Variants in FMNL2 observed in about 807,000 individuals in gnomAD.
FMNL2 encodes formin-like protein 2.
Under a neutral mutation model 130.2 loss-of-function variants are expected in FMNL2, and 51 were observed. That is an observed-to-expected ratio of 0.39 (90% CI 0.31 to 0.49). The LOEUF is 0.49. Ranked by LOEUF, FMNL2 falls within the 20% of genes least tolerant of loss-of-function variation. The probability of loss-of-function intolerance (pLI) is 0.85; values close to 1 mark genes in which losing one functional copy is unlikely to be tolerated. For synonymous variants in FMNL2, 465 were observed against 467.1 expected, an observed-to-expected ratio of 1.00 and a Z score of 0.06; for missense variants, 977 against 1,316.2, an observed-to-expected ratio of 0.74 and a Z score of 3.99.
chr2:152,484,356 T>C (rs1294265871), intron 1 of FMNL2, among the ~76,000 whole-genome samples: 1 of 152,168 alleles, frequency 6.6e-6, no homozygotes, highest in Admixed American at 6.5e-5. Flanking sequence ...AAGAGAGATA[T>C]TGGGCCAAGT....
At chr2:152,558,243 A>G (rs150011890) in intron 4 of FMNL2, among the ~76,000 whole-genome samples, 372 of 152,332 alleles carry the variant, frequency 2.4e-3, no homozygotes, top group African/African-American at 8.5e-3. Flanking sequence ...CTAGAAGCCC[A>G]TAAACAGTGG....
At chr2:152,470,010 G>T (rs1406166246) in intron 1 of FMNL2, among the ~76,000 whole-genome samples, 2 of 152,148 alleles carry the variant, frequency 1.3e-5, no homozygotes, top group African/African-American at 4.8e-5. Context: ...TTTTAAAAAT[G>T]AATGTCTCCT....
At chr2:152,384,715 T>A (rs1245092058) in intron 1 of FMNL2, among the ~76,000 whole-genome samples, 1 of 152,162 alleles carries the variant, frequency 6.6e-6, no homozygotes, top group African/African-American at 2.4e-5. Flanking sequence ...TTAGGAAGCT[T>A]GTATCTGAAT....
At chr2:152,337,490 A>G (rs1681543663) in intron 1 of FMNL2, among the ~76,000 whole-genome samples, 1 of 151,794 alleles carries the variant, frequency 6.6e-6, no homozygotes, top group Non-Finnish European at 1.5e-5. Context: ...AATAATAACA[A>G]TAATGCAATT....
rs370439192 is a variant in FMNL2 at position 152,370,710 on chromosome 2, CA to C, written c.117+34994del. 2.3e-3 allele frequency among the ~76,000 whole-genome samples: 353 copies of C among 152,202 alleles called. 3 individuals carry two copies. The highest frequency in any genetic ancestry group is 7.9e-3 in the African/African-American group (330 of 41,532). On this transcript the variant is annotated intron_variant, in intron 1 of 25. Coordinates refer to ENST00000288670, the MANE Select transcript of FMNL2 (RefSeq NM_052905.4). The stretch of plus-strand genomic sequence containing the variant: ...TGAAGGACAAAGTAAAGAATCATCC[CA>C]AAACAGGAAATGCCACACTTTTATT...
chr2:152,617,134 AGATTGTG>A lies in FMNL2; in HGVS notation c.1259_1265del (p.Ile420AsnfsTer30). ...GACACAGAGAATGAAGCCATGTCCA[AGATTGTG>A]GAACTGGAAAAGCAACTCATGCAGA... On this transcript the variant is annotated frameshift_variant, in exon 13 of 26. Coordinates refer to ENST00000288670, the MANE Select transcript of FMNL2 (RefSeq NM_052905.4). LOFTEE classifies it high-confidence loss of function. 6.2e-7 allele frequency: 1 copy of A among 1,614,006 alleles called. No homozygotes were observed.
At chr2:152,473,803 G>A (rs1291743732) in intron 1 of FMNL2, among the ~76,000 whole-genome samples, 1 of 152,120 alleles carries the variant, frequency 6.6e-6, no homozygotes. Context: ...TGAATATCTT[G>A]GACCATGGAG....
At chr2:152,527,263 C>A (rs1693439834) in intron 2 of FMNL2, among the ~76,000 whole-genome samples, 1 of 152,150 alleles carries the variant, frequency 6.6e-6, no homozygotes, top group Non-Finnish European at 1.5e-5. Flanking sequence ...GTTGTCCCAT[C>A]ATTAAATAAG....
intron 1 of FMNL2, among the ~76,000 whole-genome samples, chr2:152,348,824 T>C (rs999503175): frequency 1.9e-5 from 2 of 103,002 alleles, no homozygotes; most frequent in African/African-American, 9.0e-5. Flanking sequence ...AAGGGTTTTT[T>C]TTTTTTTTTT....
In FMNL2 at chr2:152,636,042, TACGGGCCC is replaced by T. The variant is rs541339873; in HGVS notation, c.2681-382_2681-375del. On this transcript the variant is annotated intron_variant, in intron 21 of 25. Transcript: ENST00000288670. Reference sequence around the variant, plus strand: ...TGCTGCAGATAAGGACCTCTGAGCCTACGGGCCCACCCATAGGCTATTCTTGTAAGAGA... The same window carrying T: ...TGCTGCAGATAAGGACCTCTGAGCCTACCCATAGGCTATTCTTGTAAGAGA... 1.4e-3 allele frequency among the ~76,000 whole-genome samples: 218 copies of T among 152,288 alleles called. 2 individuals are homozygous for T. Among genetic ancestry groups the T allele is most frequent in the Admixed American group, 4.0e-3 (61 of 15,290 alleles).
At chr2:152,374,671 A>G (rs141675299) in intron 1 of FMNL2, among the ~76,000 whole-genome samples, 1 of 152,350 alleles carries the variant, frequency 6.6e-6, no homozygotes, top group East Asian at 1.9e-4. Context: ...TGCTTTACAA[A>G]TGATTTTCTG....
At chr2:152,497,280 G>T (rs1363340745) in intron 1 of FMNL2, among the ~76,000 whole-genome samples, 3 of 152,054 alleles carry the variant, frequency 2.0e-5, no homozygotes, top group Non-Finnish European at 4.4e-5. Flanking sequence ...TACCCCACGA[G>T]AAATTTGCTA....
chr2:152,581,104 C>A lies in FMNL2; in HGVS notation c.876+55C>A, dbSNP rs898696900. On this transcript the variant is annotated intron_variant, in intron 9 of 25. Coordinates refer to ENST00000288670, the MANE Select transcript of FMNL2 (RefSeq NM_052905.4). Reference sequence around the variant, plus strand: ...ACTCACACATCTTACATTTGGACATCTTTGAACGGAATTATTTACCTTTTC... The same window carrying A: ...ACTCACACATCTTACATTTGGACATATTTGAACGGAATTATTTACCTTTTC... 13 of 1,478,016 alleles carry A rather than the reference C, an allele frequency of 8.8e-6. No homozygotes were observed. The East Asian group carries it at 2.9e-4, about 34-fold the overall frequency. The allele number at this position is 1,478,016 out of a possible 1,614,324, so 91.6% of individuals were successfully genotyped here.
chr2:152,424,655 C>T (rs1687102556), intron 1 of FMNL2, among the ~76,000 whole-genome samples: 2 of 151,930 alleles, frequency 1.3e-5, no homozygotes, highest in African/African-American at 4.8e-5. Context: ...TCCCAAAGTG[C>T]TGGGATTACA....
chr2:152,607,641 C>G, intron 10 of FMNL2: 1 of 353,826 alleles, frequency 2.8e-6, no homozygotes, highest in Non-Finnish European at 5.2e-6. Flanking sequence ...GACAAAAGTA[C>G]TAATCATAGC....
intron 1 of FMNL2, among the ~76,000 whole-genome samples, chr2:152,497,352 T>C (rs184747511): frequency 1.1e-4 from 16 of 152,346 alleles, no homozygotes; most frequent in Admixed American, 1.0e-3. Context: ...GAGTACTGTT[T>C]TCTAAAGTTA....
chr2:152,608,073 G>A (rs552290461), intron 10 of FMNL2, among the ~76,000 whole-genome samples: 1 of 152,110 alleles, frequency 6.6e-6, no homozygotes, highest in Non-Finnish European at 1.5e-5. Flanking sequence ...TCTTAATCTG[G>A]AAGGAAGATA....
chr2:152,604,636 C>T (rs1467592127), intron 9 of FMNL2, among the ~76,000 whole-genome samples: 1 of 152,084 alleles, frequency 6.6e-6, no homozygotes, highest in Admixed American at 6.6e-5. Context: ...CACTTTGTCG[C>T]CCAGGCTGGA....
rs952426699 is a variant in FMNL2 at position 152,397,475 on chromosome 2, A to C, written c.117+61755A>C. On this transcript the variant is annotated intron_variant, in intron 1 of 25. Coordinates refer to ENST00000288670, the MANE Select transcript of FMNL2 (RefSeq NM_052905.4). ...CAGAATAAAAAACGTCAAAAGAGAG[A>C]AGTTAAATTTTCCAGTATGTTTTAA... Among the ~76,000 whole-genome samples the C allele has an allele frequency of 2.6e-5, 4 of 152,194 alleles. No homozygotes were observed. In the East Asian group the frequency reaches 7.7e-4, roughly 29 times the overall value.
Sources: allele counts gnomAD v4.1 joint callset (sites outside exome capture counted in the v4.1 genomes callset), GRCh38; gene constraint gnomAD v4.1.1; transcripts MANE v1.5; gene names NCBI Gene and HGNC (gene_info 2026-07-23, HGNC 2026-07-21).